Variants in ITPR1 observed in about 807,000 individuals in gnomAD.
The protein encoded by ITPR1 is inositol 1,4,5-trisphosphate-gated calcium channel ITPR1.
A neutral mutation model predicts 318.4 loss-of-function variants in ITPR1; 96 were observed. The ratio of observed to expected loss-of-function variants is 0.30; its 90% confidence interval spans 0.26 to 0.36. The LOEUF (loss-of-function observed/expected upper bound fraction) is 0.36. Among genes scored for constraint, ITPR1 ranks in the 10% least tolerant of loss-of-function variants. The pLI is 1.00. For missense variants in ITPR1, 2,440 were observed against 3,460.2 expected (o/e 0.71, Z 7.40); for synonymous variants, 1,312 against 1,289.9 (o/e 1.02, Z -0.37).
At position 4,705,836 on chromosome 3, in the gene ITPR1, A is replaced by G. The variant is rs572176351; in HGVS notation, c.4658-331A>G. Among the ~76,000 whole-genome samples the G allele has an allele frequency of 2.6e-5, 4 of 152,332 alleles. No individual in the cohort carries two copies. The South Asian group carries it at 8.3e-4, about 32-fold the overall frequency. ...GCCAAACGAGTTCCCTGTCTTGATT[A>G]TTCTTAAAATACACACACACCTCAG... On this transcript the variant is annotated intron_variant, in intron 36 of 61. Transcript: ENST00000649015.
intron 44 of ITPR1, among the ~76,000 whole-genome samples, chr3:4,760,770 C>G (rs113066140): frequency 3.3e-5 from 5 of 152,150 alleles, no homozygotes; most frequent in Admixed American, 3.3e-4. Flanking sequence ...TGAATGGAGT[C>G]CTTCTCACAT....
chr3:4,699,795 T>C lies in ITPR1; in HGVS notation c.4408-18T>C, dbSNP rs1252401070. ...GTAGGTTTTGGTGTAATGCTTAACA[T>C]ACCCACTTGTCTTCCAGGCCTGTAA... is the stretch of plus-strand genomic sequence containing the variant. On this transcript the variant is annotated intron_variant, in intron 34 of 61. Coordinates refer to ENST00000649015, the MANE Select transcript of ITPR1 (RefSeq NM_001378452.1). 1 of 1,613,208 alleles carries C rather than the reference T, an allele frequency of 6.2e-7. No individual in the cohort carries two copies.
chr3:4,735,858 A>T (rs1349702790), intron 44 of ITPR1, among the ~76,000 whole-genome samples: 1 of 152,256 alleles, frequency 6.6e-6, no homozygotes, highest in African/African-American at 2.4e-5. Flanking sequence ...AATTTGAAAT[A>T]CTAGAGATAC....
At chr3:4,841,532 T>C (rs2051344444) in intron 61 of ITPR1, among the ~76,000 whole-genome samples, 1 of 152,236 alleles carries the variant, frequency 6.6e-6, no homozygotes, top group Non-Finnish European at 1.5e-5. Context: ...GCTACAAAGA[T>C]GAATAGATCC....
At chr3:4,592,726 G>A (rs757303541) in intron 4 of ITPR1, among the ~76,000 whole-genome samples, 3 of 152,180 alleles carry the variant, frequency 2.0e-5, no homozygotes, top group Non-Finnish European at 4.4e-5. Flanking sequence ...AGCTGTGTTA[G>A]TGGAAGGTGA....
rs923935723 is a variant in ITPR1 at position 4,800,348 on chromosome 3, CAG to C, written c.6932-76_6932-75del. The C allele has an allele frequency of 2.1e-6, 3 of 1,437,374 alleles. No individual in the cohort carries two copies. In the African/African-American group the frequency reaches 4.3e-5, roughly 21 times the overall value. The allele number at this position is 1,437,374 out of a possible 1,614,324, so 89.0% of individuals were successfully genotyped here. ...AAAAAAGTTATTGAGGAATCTGTAA[CAG>C]TGCATGTTTTAGGTCTGTCCCCTGT... On this transcript the variant is annotated intron_variant, in intron 53 of 61. Transcript: ENST00000649015.
At chr3:4,768,985 C>G (rs1399034399) in intron 46 of ITPR1, among the ~76,000 whole-genome samples, 3 of 151,546 alleles carry the variant, frequency 2.0e-5, no homozygotes, top group Non-Finnish European at 4.4e-5. Flanking sequence ...TCTTGGCTTA[C>G]TCCAACCTCC....
intron 40 of ITPR1, 150 bp downstream of exon 40, chr3:4,717,549 C>T (rs933926579): frequency 5.4e-6 from 4 of 735,900 alleles, no homozygotes; most frequent in East Asian, 2.5e-5. Context: ...TGGAGTCTGT[C>T]GTGTCTGTGT....
At chr3:4,506,384 C>T (rs757339405) in intron 2 of ITPR1, among the ~76,000 whole-genome samples, 14 of 152,166 alleles carry the variant, frequency 9.2e-5, no homozygotes, top group Non-Finnish European at 1.2e-4. Flanking sequence ...AATGCTCTTC[C>T]GCCTGATTTT....
At chr3:4,632,057 C>G (rs2093031670) in intron 5 of ITPR1, among the ~76,000 whole-genome samples, 1 of 152,272 alleles carries the variant, frequency 6.6e-6, no homozygotes, top group African/African-American at 2.4e-5. Context: ...TTCACTTTAC[C>G]CAGCATCCCT....
intron 17 of ITPR1, among the ~76,000 whole-genome samples, chr3:4,666,533 G>A (rs1042359653): frequency 1.3e-4 from 20 of 152,066 alleles, no homozygotes; most frequent in South Asian, 2.1e-4. Context: ...AGTTGTTTTC[G>A]GATCCTTTAC....
Position 4,699,413 on chromosome 3 carries a change from T to A in ITPR1, c.4408-400T>A, listed in dbSNP as rs138205202. On this transcript the variant is annotated intron_variant, in intron 34 of 61. Coordinates refer to ENST00000649015, the MANE Select transcript of ITPR1 (RefSeq NM_001378452.1). ...CCACAGGACCTCAGTAACATTTGAC[T>A]ATTTGGATGAGGAAACCATGGTCTA... Among the ~76,000 whole-genome samples, 397 of 152,108 alleles carry A rather than the reference T, an allele frequency of 2.6e-3. 2 individuals carry two copies. The highest frequency in any genetic ancestry group is 2.6e-3 in the Non-Finnish European group (175 of 67,982).
At chr3:4,768,963 A>G (rs1216773849) in intron 46 of ITPR1, among the ~76,000 whole-genome samples, 199 bp downstream of exon 46, 4 of 149,514 alleles carry the variant, frequency 2.7e-5, no homozygotes, top group East Asian at 2.0e-4. Flanking sequence ...AGGCTGGAGT[A>G]CAGTGGCGTG....
intron 3 of ITPR1, among the ~76,000 whole-genome samples, chr3:4,520,632 C>T (rs1028188562): frequency 6.6e-6 from 1 of 152,146 alleles, no homozygotes; most frequent in Non-Finnish European, 1.5e-5. Flanking sequence ...CCTGCACTAG[C>T]CTTGAGCTCC....
At chr3:4,567,303 C>G (rs550234411) in intron 4 of ITPR1, among the ~76,000 whole-genome samples, 1 of 152,206 alleles carries the variant, frequency 6.6e-6, no homozygotes, top group Non-Finnish European at 1.5e-5. Context: ...CACTAGTGAT[C>G]AGGATAAAAG....
intron 51 of ITPR1, among the ~76,000 whole-genome samples, chr3:4,786,332 A>G (rs17041438): frequency 0.016 from 2,511 of 152,302 alleles, 67 homozygotes; most frequent in African/African-American, 0.054. Context: ...AAGAATCAGT[A>G]TGGTAACTAA....
At chr3:4,627,412 C>A (rs1007905825) in intron 4 of ITPR1, among the ~76,000 whole-genome samples, 1 of 151,918 alleles carries the variant, frequency 6.6e-6, no homozygotes, top group African/African-American at 2.4e-5. Context: ...CGCAGTGAGC[C>A]GAGGTTGTGC....
At chr3:4,523,617 T>A (rs895756168) in intron 4 of ITPR1, among the ~76,000 whole-genome samples, 1 of 152,000 alleles carries the variant, frequency 6.6e-6, no homozygotes, top group Non-Finnish European at 1.5e-5. Context: ...TGTTCCACTC[T>A]CTGTTTCTAG....
chr3:4,538,430 G>A (rs1278724847), intron 4 of ITPR1, among the ~76,000 whole-genome samples: 2 of 152,152 alleles, frequency 1.3e-5, no homozygotes, highest in Non-Finnish European at 2.9e-5. Context: ...AAATAGGAAT[G>A]TTTTTACACT....
Sources: allele counts gnomAD v4.1 joint callset (sites outside exome capture counted in the v4.1 genomes callset), GRCh38; gene constraint gnomAD v4.1.1; transcripts MANE v1.5; gene names NCBI Gene and HGNC (gene_info 2026-07-23, HGNC 2026-07-21).